RIMS2: variants seen among roughly 807,000 people sequenced by gnomAD.
The protein encoded by RIMS2 is regulating synaptic membrane exocytosis protein 2.
Under a neutral mutation model 174.4 loss-of-function variants are expected in RIMS2, and 59 were observed. The observed-to-expected ratio is 0.34, with a 90% confidence interval of 0.27 to 0.42. The LOEUF (loss-of-function observed/expected upper bound fraction) is 0.42. RIMS2 is among the 10% of genes least tolerant of loss of function. The probability of loss-of-function intolerance (pLI) is 1.00; values close to 1 mark genes in which losing one functional copy is unlikely to be tolerated. For missense variants in RIMS2, 1,620 were observed against 1,666.3 expected, an observed-to-expected ratio of 0.97 and a Z score of 0.48; for synonymous variants, 606 against 572.5, an observed-to-expected ratio of 1.06 and a Z score of -0.84.
intron 1 of RIMS2, among the ~76,000 whole-genome samples, chr8:103,515,617 A>T (rs934330236): frequency 2.0e-5 from 3 of 152,180 alleles, no homozygotes; most frequent in African/African-American, 7.2e-5. Context: ...TTTCATTTTG[A>T]TAACATTTAA....
At chr8:103,510,097 T>C (rs1202232558) in intron 1 of RIMS2, among the ~76,000 whole-genome samples, 2 of 152,226 alleles carry the variant, frequency 1.3e-5, no homozygotes, top group Middle Eastern at 3.2e-3. Context: ...ATCAAGCTTA[T>C]GTTCAGCTCG....
chr8:103,953,033 A>G (rs890841066), intron 14 of RIMS2, among the ~76,000 whole-genome samples: 4 of 152,194 alleles, frequency 2.6e-5, no homozygotes, highest in East Asian at 3.9e-4. Flanking sequence ...GATCAACTCA[A>G]TGAAATAAAA....
chr8:104,205,998 C>T (rs2099078315), intron 19 of RIMS2, among the ~76,000 whole-genome samples: 1 of 152,128 alleles, frequency 6.6e-6, no homozygotes, highest in Non-Finnish European at 1.5e-5. Flanking sequence ...TCAAGTGATC[C>T]ACCTGCCTTG....
intron 1 of RIMS2, among the ~76,000 whole-genome samples, chr8:103,537,775 CT>C (rs1212213796): frequency 6.6e-6 from 1 of 151,956 alleles, no homozygotes; most frequent in Non-Finnish European, 1.5e-5. Flanking sequence ...TGATTATAGT[CT>C]TTGCCATGGT....
At chr8:104,087,827 T>C (rs2097563299) in intron 19 of RIMS2, among the ~76,000 whole-genome samples, 1 of 152,274 alleles carries the variant, frequency 6.6e-6, no homozygotes, top group South Asian at 2.1e-4. Context: ...GAAAATTTTA[T>C]GTCCTAGACT....
intron 17 of RIMS2, among the ~76,000 whole-genome samples, chr8:104,009,984 GGATA>G (rs113548968): frequency 0.5 from 73,718 of 148,456 alleles, 18,237 homozygotes; most frequent in Middle Eastern, 0.64. Context: ...AGATATGGAT[GGATA>G]GATGGATGGA....
chr8:104,049,278 C>A (rs1054472422), intron 19 of RIMS2, among the ~76,000 whole-genome samples: 4 of 151,776 alleles, frequency 2.6e-5, no homozygotes, highest in African/African-American at 9.7e-5. Flanking sequence ...AAAAATTACC[C>A]GGGGTGGGCG....
At chr8:103,716,261 T>TTGTCTTTTC (rs893208771) in intron 2 of RIMS2, 48 bp from the exon 5 acceptor site, 8 of 152,192 alleles carry the variant, frequency 5.3e-5, no homozygotes, top group Non-Finnish European at 8.8e-5. Flanking sequence ...CTTTTTTGTT[T>TTGTCTTTTC]TGTCTTTTCT....
chr8:103,628,731 G>C (rs375695274), intron 1 of RIMS2, among the ~76,000 whole-genome samples: 1 of 135,554 alleles, frequency 7.4e-6, no homozygotes, highest in Non-Finnish European at 1.5e-5. Flanking sequence ...ACCCACAACC[G>C]AGAAACATCA....
intron 1 of RIMS2, among the ~76,000 whole-genome samples, chr8:103,661,860 T>C (rs986034467): frequency 6.6e-5 from 10 of 152,230 alleles, no homozygotes; most frequent in African/African-American, 2.4e-4. Context: ...CCTTTGCATC[T>C]GGCCTAGAAA....
intron 1 of RIMS2, among the ~76,000 whole-genome samples, chr8:103,527,584 C>A (rs972724109): frequency 6.6e-6 from 1 of 151,884 alleles, no homozygotes; most frequent in African/African-American, 2.4e-5. Context: ...TGTTCCCCTT[C>A]CTGTGTCCAA....
At chr8:104,178,659 T>C (rs1249780762) in intron 19 of RIMS2, among the ~76,000 whole-genome samples, 1 of 152,124 alleles carries the variant, frequency 6.6e-6, no homozygotes, top group African/African-American at 2.4e-5. Context: ...CAGTAAGCCA[T>C]ATTATATAAA....
chr8:104,044,966 A>G (rs1256460996), intron 19 of RIMS2, among the ~76,000 whole-genome samples: 2 of 151,882 alleles, frequency 1.3e-5, no homozygotes, highest in Non-Finnish European at 3.0e-5. Flanking sequence ...AAATTTTGTG[A>G]CAAGCAATTC....
intron 3 of RIMS2, among the ~76,000 whole-genome samples, chr8:103,807,708 A>G (rs1287748378): frequency 1.3e-5 from 2 of 152,148 alleles, no homozygotes; most frequent in African/African-American, 2.4e-5. Context: ...TAGGTATTTT[A>G]TGGAGGAGCT....
At chr8:103,855,090 AT>A (rs530416800) in intron 3 of RIMS2, among the ~76,000 whole-genome samples, 56 of 151,586 alleles carry the variant, frequency 3.7e-4, no homozygotes, top group Admixed American at 3.6e-3. Flanking sequence ...GTCTCGGGAG[AT>A]TGTGTTTTTC....
chr8:104,190,609 G>A (rs2098992530), intron 19 of RIMS2, among the ~76,000 whole-genome samples: 1 of 152,044 alleles, frequency 6.6e-6, no homozygotes, highest in African/African-American at 2.4e-5. Context: ...AAGTTTGCCT[G>A]TATTTCTCAA....
chr8:103,561,244 A>G (rs1404150240), intron 1 of RIMS2, among the ~76,000 whole-genome samples: 1 of 152,204 alleles, frequency 6.6e-6, no homozygotes, highest in Admixed American at 6.5e-5. Context: ...CAATTTTTAT[A>G]TACTTTTTAT....
At chr8:103,729,098 A>T (rs2097561019) in intron 2 of RIMS2, among the ~76,000 whole-genome samples, 1 of 151,980 alleles carries the variant, frequency 6.6e-6, no homozygotes, top group Non-Finnish European at 1.5e-5. Flanking sequence ...TCATAGAATG[A>T]GTTTGGAAAT....
intron 1 of RIMS2, among the ~76,000 whole-genome samples, chr8:103,648,404 A>G (rs1333561588): frequency 7.5e-6 from 1 of 133,500 alleles, no homozygotes; most frequent in African/African-American, 2.5e-5. Flanking sequence ...GGTGATGAGA[A>G]GAATGTATAT....
Sources: gnomAD v4.1 joint callset for allele counts (sites outside exome capture counted in the v4.1 genomes callset) on GRCh38, gnomAD v4.1.1 for gene constraint, MANE v1.5 for transcripts, NCBI Gene and HGNC (gene_info 2026-07-23, HGNC 2026-07-21) for gene names.